Variants in BROX observed in about 807,000 individuals in gnomAD.
BROX encodes the protein BRO1 domain-containing protein BROX.
In BROX, 53 loss-of-function variants were observed where a neutral mutation model predicts 61.0. That is an observed-to-expected ratio of 0.87 (90% CI 0.70 to 1.09). The LOEUF (loss-of-function observed/expected upper bound fraction) is 1.09, where lower values mean the gene tolerates loss of function less well. Among genes scored for constraint, BROX ranks in the 50% least tolerant of loss-of-function variants. The pLI is 0.00. For synonymous variants in BROX, 152 were observed against 160.2 expected (o/e 0.95, Z 0.38); for missense variants, 489 against 472.0 (o/e 1.04, Z -0.33).
At chr1:222,722,551 A>G in intron 5 of BROX, 37 bp downstream of exon 5, 1 of 1,407,104 alleles carries the variant, frequency 7.1e-7, no homozygotes, top group Non-Finnish European at 1.0e-6. Context: ...CATCTGTGTT[A>G]TTTTTCAAGT....
intron 1 of BROX, chr1:222,713,329 C>A (rs1375045371): frequency 1.0e-6 from 1 of 985,710 alleles, no homozygotes; most frequent in African/African-American, 1.7e-5. Flanking sequence ...CGGTCGCCGC[C>A]CGCTGCCTCG....
intron 12 of BROX, 135 bp downstream of exon 12, chr1:222,731,651 TA>T: frequency 1.1e-6 from 1 of 876,876 alleles, no homozygotes; most frequent in Non-Finnish European, 1.7e-6. Context: ...ATATAGTGCT[TA>T]ATGTAATCTG....
At chr1:222,729,876 C>A in intron 10 of BROX, 151 bp from the exon 11 acceptor site, 2 of 956,352 alleles carry the variant, frequency 2.1e-6, no homozygotes, top group Non-Finnish European at 3.1e-6. Context: ...GTAGAAAATA[C>A]ACACCTTCTA....
Position 222,719,035 on chromosome 1 carries a change from A to C in BROX, c.208+4A>C, listed in dbSNP as rs747393706. 1 of 1,601,306 alleles carries C rather than the reference A, an allele frequency of 6.2e-7. No homozygotes were observed. The highest frequency in any genetic ancestry group is 8.5e-7 in the Non-Finnish European group (1 of 1,173,008). The stretch of plus-strand genomic sequence containing the variant: ...TCATATTTCTCACTTTTACAAGGTT[A>C]GTTATTTATATGAACTTGAGGTTTT... On this transcript the variant is annotated splice_donor_region_variant and intron_variant, in intron 3 of 12. Coordinates refer to ENST00000340934, the MANE Select transcript of BROX (RefSeq NM_144695.4).
chr1:222,731,036 T>C (rs1237432238), intron 11 of BROX, among the ~76,000 whole-genome samples: 1 of 152,206 alleles, frequency 6.6e-6, no homozygotes, highest in Non-Finnish European at 1.5e-5. Flanking sequence ...CCTTATATTC[T>C]TCATCTAGTC....
intron 2 of BROX, among the ~76,000 whole-genome samples, chr1:222,716,299 A>C (rs1656605868): frequency 6.6e-6 from 1 of 152,200 alleles, no homozygotes; most frequent in South Asian, 2.1e-4. Flanking sequence ...GGTTTTCACC[A>C]TGTTGGCCAG....
At position 222,734,612 on chromosome 1, in the gene BROX, T is replaced by C. The variant is rs1450195732; in HGVS notation, c.*1898T>C. On this transcript the variant is annotated 3_prime_UTR_variant, in exon 13 of 13. Transcript: ENST00000340934. ...ACAGACATTTAATTTTATTTCAATA[T>C]CTATGGAAAAAACACTTATTAAATC... is the stretch of plus-strand genomic sequence containing the variant. The C allele has an allele frequency of 6.6e-6, 1 of 152,162 alleles. No individual in the cohort carries two copies. The highest frequency in any genetic ancestry group is 1.9e-4 in the East Asian group (1 of 5,198). 9.4% of individuals were successfully genotyped at this position (152,162 alleles called of 1,614,324 possible).
At chr1:222,722,344 T>A in intron 4 of BROX, 75 bp from the exon 5 acceptor site, 2 of 1,224,308 alleles carry the variant, frequency 1.6e-6, no homozygotes, top group Non-Finnish European at 2.4e-6. Context: ...TAATTTTGAG[T>A]CGGATATCCA....
At chr1:222,729,146 A>G (rs556618133) in intron 9 of BROX, among the ~76,000 whole-genome samples, 1 of 152,318 alleles carries the variant, frequency 6.6e-6, no homozygotes, top group African/African-American at 2.4e-5. Flanking sequence ...TCTAATATTA[A>G]GGCATATCAC....
chr1:222,727,061 A>G (rs1657559429), intron 7 of BROX, 107 bp from the exon 8 acceptor site: 2 of 800,912 alleles, frequency 2.5e-6, no homozygotes, highest in Admixed American at 2.5e-5. Context: ...AACAAACTGT[A>G]TTAAAATCCC....
At chr1:222,717,406 C>G (rs893997080) in intron 2 of BROX, among the ~76,000 whole-genome samples, 22 of 152,108 alleles carry the variant, frequency 1.4e-4, no homozygotes, top group African/African-American at 5.1e-4. Flanking sequence ...TTAAATATAT[C>G]TGAGGTACAT....
chr1:222,730,201 TA>T (rs1406860228), intron 11 of BROX, 24 bp downstream of exon 11: 1 of 1,359,556 alleles, frequency 7.4e-7, no homozygotes, highest in African/African-American at 1.5e-5. Context: ...AATATTACTT[TA>T]GTAATAATAT....
intron 1 of BROX, among the ~76,000 whole-genome samples, chr1:222,714,984 A>T (rs1656473492): frequency 6.6e-6 from 1 of 152,248 alleles, no homozygotes; most frequent in African/African-American, 2.4e-5. Context: ...TTTATTGTAG[A>T]ACACATGCTA....
chr1:222,729,775 TA>T, intron 10 of BROX, 74 bp downstream of exon 10: 1 of 1,414,294 alleles, frequency 7.1e-7, no homozygotes, highest in Non-Finnish European at 9.8e-7. Context: ...AATATATGCT[TA>T]AAGAGATTTT....
Position 222,731,463 on chromosome 1 carries a change from A to G in BROX, c.1096A>G (p.Thr366Ala). 4.4e-6 allele frequency: 7 copies of G among 1,603,602 alleles called. No homozygotes were observed. The highest frequency in any genetic ancestry group is 5.9e-6 in the Non-Finnish European group (7 of 1,177,154). ...FEFPPTSVQW[T>A]PETLAAFDLT... ...ATTTCCTCCTACAAGTGTTCAGTGG[A>G]CACCAGAAACATTGGCTGCATTTGA... The change falls in exon 12 of 13, where the codon ACA becomes GCA. Residue 366 changes from threonine to alanine, a missense_variant. Coordinates refer to ENST00000340934, the MANE Select transcript of BROX (RefSeq NM_144695.4).
chr1:222,716,886 T>TA (rs1656666882), intron 2 of BROX, among the ~76,000 whole-genome samples: 1 of 152,140 alleles, frequency 6.6e-6, no homozygotes, highest in Non-Finnish European at 1.5e-5. Context: ...ATGCAAAAGA[T>TA]GTTTTGAAGG....
chr1:222,713,216 T>C (rs1171631176), intron 1 of BROX: 3 of 985,966 alleles, frequency 3.0e-6, no homozygotes, highest in East Asian at 2.3e-4. Context: ...AAACTGGGGT[T>C]CGTTCGGCCG....
At chr1:222,712,969 C>G in intron 1 of BROX, 27 bp downstream of exon 1, 1 of 1,181,312 alleles carries the variant, frequency 8.5e-7, no homozygotes, top group Middle Eastern at 2.7e-4. Context: ...ATGGGTGTTT[C>G]TCAGTAATAT....
intron 5 of BROX, among the ~76,000 whole-genome samples, chr1:222,723,420 C>T (rs1657250227): frequency 6.6e-6 from 1 of 152,152 alleles, no homozygotes; most frequent in Admixed American, 6.5e-5. Context: ...GGATTACAGG[C>T]ATGATCCACC....
Sources: gnomAD v4.1 joint callset for allele counts (sites outside exome capture counted in the v4.1 genomes callset) on GRCh38, gnomAD v4.1.1 for gene constraint, MANE v1.5 for transcripts, NCBI Gene and HGNC (gene_info 2026-07-23, HGNC 2026-07-21) for gene names.